The following PDCD6 variants were observed in gnomAD, a reference collection of about 807,000 sequenced individuals.
PDCD6 encodes the protein programmed cell death 6, also known as programmed cell death protein 6.
PDCD6 carries 12 observed loss-of-function variants against 28.3 expected under a neutral mutation model. The observed-to-expected ratio is 0.42, with a 90% CI of 0.27 to 0.69. The LOEUF (loss-of-function observed/expected upper bound fraction) is 0.69. Ranked by LOEUF, PDCD6 falls within the 30% of genes least tolerant of loss-of-function variation. The probability of loss-of-function intolerance (pLI) is 0.22; values close to 1 mark genes in which losing one functional copy is unlikely to be tolerated. For synonymous variants in PDCD6, 92 were observed against 108.0 expected, an observed-to-expected ratio of 0.85 and a Z score of 0.92; for missense variants, 226 against 269.9, an observed-to-expected ratio of 0.84 and a Z score of 1.14.
intron 3 of PDCD6, 167 bp from the exon 4 acceptor site, chr5:306,435 T>C (rs956747802): frequency 3.1e-6 from 2 of 645,336 alleles, no homozygotes; most frequent in Admixed American, 2.3e-5. Context: ...GTGACAAGAC[T>C]TTAAGGGATT....
At chr5:299,679 A>C (rs933534205) in intron 2 of PDCD6, among the ~76,000 whole-genome samples, 1 of 151,788 alleles carries the variant, frequency 6.6e-6, no homozygotes, top group Admixed American at 6.6e-5. Flanking sequence ...CCCCCCGAGT[A>C]GCTGGGACTA....
intron 2 of PDCD6, chr5:276,903 T>C: frequency 2.0e-6 from 2 of 984,894 alleles, no homozygotes; most frequent in Non-Finnish European, 2.4e-6. Flanking sequence ...AGAAGACTGT[T>C]CTCTGCCCTT....
chr5:289,677 C>G, intron 2 of PDCD6: 1 of 975,424 alleles, frequency 1.0e-6, no homozygotes, highest in Non-Finnish European at 1.7e-6. Flanking sequence ...ATTCAGATGT[C>G]GAAGAGTCAC....
chr5:286,634 G>A (rs150502990), intron 2 of PDCD6, among the ~76,000 whole-genome samples: 41 of 151,222 alleles, frequency 2.7e-4, no homozygotes, highest in African/African-American at 9.5e-4. Flanking sequence ...CCAGTTTCAG[G>A]GCCATGCATC....
chr5:292,202 G>A (rs182340969), intron 2 of PDCD6, among the ~76,000 whole-genome samples: 1 of 152,116 alleles, frequency 6.6e-6, no homozygotes, highest in Non-Finnish European at 1.5e-5. Context: ...GGCCAGTTCA[G>A]CTCTTTTCCC....
Position 311,250 on chromosome 5 carries a change from C to G in PDCD6, c.368-43C>G, listed in dbSNP as rs192286129. ...GGGGTGAGTGTTGGCACATACCTCC[C>G]GTCTCTCCCAGCCTTCTCTGACTCT... is the stretch of plus-strand genomic sequence containing the variant. On this transcript the variant is annotated intron_variant, in intron 4 of 5. Coordinates refer to ENST00000264933, the MANE Select transcript of PDCD6 (RefSeq NM_013232.4). The G allele has an allele frequency of 2.7e-6, 4 of 1,464,574 alleles. No individual in the cohort carries two copies. The South Asian group carries it at 4.6e-5, about 17-fold the overall frequency. The allele number at this position is 1,464,574 out of a possible 1,614,324, so 90.7% of individuals were successfully genotyped here. A position where few individuals can be genotyped will look rare whatever the true frequency, so the allele number is the denominator to read the frequency against.
chr5:303,186 G>A (rs1740219613), intron 2 of PDCD6, among the ~76,000 whole-genome samples: 1 of 151,878 alleles, frequency 6.6e-6, no homozygotes, highest in African/African-American at 2.4e-5. Flanking sequence ...GAGGCCTAAG[G>A]GACCATGCCA....
intron 2 of PDCD6, among the ~76,000 whole-genome samples, chr5:287,052 C>T (rs192151595): frequency 1.1e-4 from 16 of 151,142 alleles, no homozygotes; most frequent in East Asian, 1.9e-4. Context: ...TGGAGACCCA[C>T]GGAGGAGCTG....
At chr5:281,715 G>A (rs1316576144) in intron 2 of PDCD6, among the ~76,000 whole-genome samples, 2 of 150,028 alleles carry the variant, frequency 1.3e-5, no homozygotes, top group East Asian at 1.9e-4. Flanking sequence ...TCGGGGAGGG[G>A]CTGAGGTTCT....
At chr5:279,492 C>G (rs769845944) in intron 2 of PDCD6, among the ~76,000 whole-genome samples, 4 of 152,162 alleles carry the variant, frequency 2.6e-5, no homozygotes, top group Admixed American at 2.6e-4. Context: ...CAGACTAGAT[C>G]AGCCTAAGCC....
intron 2 of PDCD6, among the ~76,000 whole-genome samples, chr5:303,120 G>C (rs1460800795): frequency 1.3e-5 from 2 of 152,112 alleles, no homozygotes; most frequent in African/African-American, 2.4e-5. Flanking sequence ...CGCACTTCAG[G>C]TGAGAGCGGG....
intron 3 of PDCD6, chr5:304,606 A>G (rs1379383423): frequency 7.4e-5 from 12 of 163,158 alleles, no homozygotes; most frequent in Non-Finnish European, 1.2e-4. Flanking sequence ...GATAGTCTTC[A>G]GTTTTAAGAA....
At chr5:278,894 G>T (rs1738384858) in intron 2 of PDCD6, among the ~76,000 whole-genome samples, 1 of 151,254 alleles carries the variant, frequency 6.6e-6, no homozygotes, top group Non-Finnish European at 1.5e-5. Context: ...ACATGGGAGG[G>T]GCTAGGGATG....
chr5:314,503 C>T lies in PDCD6; in HGVS notation c.564C>T (p.Phe188=). Residue 188 remains phenylalanine, a synonymous_variant, in exon 6 of 6, where the codon TTC becomes TTT. Transcript: ENST00000264933. ...VSYEQYLSMV[F]SIV ...ACGAACAGTACCTGTCCATGGTCTT[C>T]AGTATCGTATGACCCTGGCCTCTCG... 1 of 1,611,392 alleles carries T rather than the reference C, an allele frequency of 6.2e-7. No homozygotes were observed. Among genetic ancestry groups the T allele is most frequent in the South Asian group, 1.1e-5 (1 of 91,052 alleles).
chr5:277,299 G>GTT (rs1395797530), intron 2 of PDCD6, among the ~76,000 whole-genome samples: 14 of 99,816 alleles, frequency 1.4e-4, no homozygotes, highest in African/African-American at 3.6e-4. Flanking sequence ...CTAATTTTTT[G>GTT]TATTTTTTTT....
intron 2 of PDCD6, among the ~76,000 whole-genome samples, chr5:299,952 C>T (rs1206888944): frequency 1.3e-5 from 2 of 152,070 alleles, no homozygotes; most frequent in Admixed American, 1.3e-4. Context: ...CAGTACAGTG[C>T]CCTGTAAAGT....
intron 2 of PDCD6, among the ~76,000 whole-genome samples, chr5:281,359 T>TG (rs1561032716): frequency 6.6e-6 from 1 of 151,974 alleles, no homozygotes; most frequent in Non-Finnish European, 1.5e-5. Flanking sequence ...GATGGAGCCT[T>TG]GGGGAGGAGC....
At chr5:278,100 C>A (rs1256482714) in intron 2 of PDCD6, among the ~76,000 whole-genome samples, 3 of 152,110 alleles carry the variant, frequency 2.0e-5, no homozygotes, top group African/African-American at 7.2e-5. Context: ...CCTTTGTCCT[C>A]TTTTTCCTCT....
rs1472491126 is a variant in PDCD6, at chr5:271,665, GC to G, written c.-54del. 1.2e-5 allele frequency: 12 copies of G among 1,026,482 alleles called. No homozygotes were observed. Among genetic ancestry groups the G allele is most frequent in the Non-Finnish European group, 1.6e-5 (11 of 684,982 alleles). 63.6% of individuals were successfully genotyped at this position (1,026,482 alleles called of 1,614,324 possible). ...CCCGGCAGAGGCGGAAGCGGAGTCGGCCTGAGAGGTCTCTCGTCGCTGCAGG... is the reference window on the plus strand; with the variant it reads ...CCCGGCAGAGGCGGAAGCGGAGTCGGCTGAGAGGTCTCTCGTCGCTGCAGG... On this transcript the variant is annotated 5_prime_UTR_variant, in exon 1 of 6. Transcript: ENST00000264933.
Sources: gnomAD v4.1 joint callset for allele counts (sites outside exome capture counted in the v4.1 genomes callset) on GRCh38, gnomAD v4.1.1 for gene constraint, MANE v1.5 for transcripts, NCBI Gene and HGNC (gene_info 2026-07-23, HGNC 2026-07-21) for gene names.